The following ZHX2 variants were observed in gnomAD, a reference collection of about 807,000 sequenced individuals.
ZHX2 encodes zinc fingers and homeoboxes 2, also known as zinc fingers and homeoboxes protein 2.
A neutral mutation model predicts 21.9 loss-of-function variants in ZHX2; 6 were observed. The observed-to-expected ratio is 0.27, with a 90% confidence interval of 0.15 to 0.54. The LOEUF (loss-of-function observed/expected upper bound fraction) is 0.54, where lower values mean the gene tolerates loss of function less well. Among genes scored for constraint, ZHX2 ranks in the 20% least tolerant of loss-of-function variants. ZHX2 has a pLI of 0.95. For missense variants in ZHX2, 908 were observed against 1,090.7 expected (o/e 0.83, Z 2.36); for synonymous variants, 434 against 437.1 (o/e 0.99, Z 0.09).
chr8:122,932,781 A>C (rs1295138506), intron 2 of ZHX2, among the ~76,000 whole-genome samples: 8 of 152,158 alleles, frequency 5.3e-5, no homozygotes, highest in Non-Finnish European at 1.0e-4. Flanking sequence ...TTGCCGTACA[A>C]AGTAAGATTC....
intron 1 of ZHX2, among the ~76,000 whole-genome samples, chr8:122,833,303 T>C (rs903602635): frequency 6.6e-5 from 10 of 151,974 alleles, no homozygotes; most frequent in Non-Finnish European, 1.3e-4. Flanking sequence ...ACAGGTAGAA[T>C]TGGTGTGTTA....
At chr8:122,971,540 G>A (rs1813720218) in intron 3 of ZHX2, among the ~76,000 whole-genome samples, 1 of 135,756 alleles carries the variant, frequency 7.4e-6, no homozygotes, top group Non-Finnish European at 1.5e-5. Context: ...TGTTAGGCAT[G>A]AATGGCATTA....
chr8:122,968,712 G>A (rs541582014), intron 3 of ZHX2, among the ~76,000 whole-genome samples: 2 of 151,960 alleles, frequency 1.3e-5, no homozygotes, highest in Non-Finnish European at 1.5e-5. Flanking sequence ...GGTAGTGAGC[G>A]CCTATAATCC....
At chr8:122,834,457 G>GGC (rs1346355057) in intron 1 of ZHX2, among the ~76,000 whole-genome samples, 1 of 152,260 alleles carries the variant, frequency 6.6e-6, no homozygotes, top group Non-Finnish European at 1.5e-5. Flanking sequence ...ACTTGAAACA[G>GGC]GCGCCAGGTG....
chr8:122,878,024 T>C (rs1210044613), intron 2 of ZHX2, among the ~76,000 whole-genome samples: 1 of 152,174 alleles, frequency 6.6e-6, no homozygotes, highest in Non-Finnish European at 1.5e-5. Flanking sequence ...TGTTCCCTCC[T>C]ATCAGGATTT....
intron 1 of ZHX2, among the ~76,000 whole-genome samples, chr8:122,833,996 CA>C (rs71310629): frequency 0.019 from 2,651 of 141,278 alleles, 23 homozygotes; most frequent in Non-Finnish European, 0.025. Flanking sequence ...GACTCCGTCT[CA>C]AAAAAAAAAA....
At chr8:122,794,549 G>A (rs1057272164) in intron 1 of ZHX2, among the ~76,000 whole-genome samples, 1 of 152,166 alleles carries the variant, frequency 6.6e-6, no homozygotes, top group African/African-American at 2.4e-5. Context: ...TCAGACTAGA[G>A]AGCATATCTC....
At chr8:122,783,885 T>C (rs920189801) in intron 1 of ZHX2, among the ~76,000 whole-genome samples, 1 of 152,238 alleles carries the variant, frequency 6.6e-6, no homozygotes, top group Non-Finnish European at 1.5e-5. Flanking sequence ...ATTGGACTGG[T>C]GATGTGTGGA....
intron 2 of ZHX2, among the ~76,000 whole-genome samples, chr8:122,885,863 G>A (rs1819829330): frequency 6.6e-6 from 1 of 152,182 alleles, no homozygotes; most frequent in African/African-American, 2.4e-5. Flanking sequence ...ATAGTCTGTA[G>A]CCCTGGCTGT....
At chr8:122,888,267 T>TA (rs1819890875) in intron 2 of ZHX2, among the ~76,000 whole-genome samples, 1 of 152,034 alleles carries the variant, frequency 6.6e-6, no homozygotes, top group South Asian at 2.1e-4. Context: ...TTTCTTTTTT[T>TA]AAAATTATTT....
chr8:122,908,769 T>C (rs2129989325), intron 2 of ZHX2, among the ~76,000 whole-genome samples: 1 of 152,244 alleles, frequency 6.6e-6, no homozygotes, highest in Non-Finnish European at 1.5e-5. Context: ...AGGGTAAGAA[T>C]GATGAAGTGA....
At chr8:122,940,018 G>A (rs992070469) in intron 2 of ZHX2, among the ~76,000 whole-genome samples, 4 of 152,208 alleles carry the variant, frequency 2.6e-5, no homozygotes, top group African/African-American at 9.7e-5. Context: ...GCAGGTGAAG[G>A]TTCACCCTAT....
chr8:122,796,204 G>A (rs139980170), intron 1 of ZHX2, among the ~76,000 whole-genome samples: 40 of 151,776 alleles, frequency 2.6e-4, no homozygotes, highest in African/African-American at 8.7e-4. Flanking sequence ...TCCTTAGCAA[G>A]TAGGATATGT....
intron 2 of ZHX2, among the ~76,000 whole-genome samples, chr8:122,918,753 T>C (rs1049385212): frequency 2.6e-5 from 4 of 152,086 alleles, no homozygotes; most frequent in Non-Finnish European, 5.9e-5. Context: ...AAGACCATCC[T>C]GGCCAAAATG....
At chr8:122,956,770 G>A (rs1813314111) in intron 3 of ZHX2, among the ~76,000 whole-genome samples, 1 of 152,188 alleles carries the variant, frequency 6.6e-6, no homozygotes, top group African/African-American at 2.4e-5. Flanking sequence ...GATGCTTAGT[G>A]TCTCTGTATC....
At chr8:122,824,607 A>G (rs1490367950) in intron 1 of ZHX2, among the ~76,000 whole-genome samples, 4 of 152,198 alleles carry the variant, frequency 2.6e-5, no homozygotes, top group African/African-American at 9.7e-5. Context: ...TTTTTCGGAG[A>G]AAGAAACAGA....
intron 1 of ZHX2, among the ~76,000 whole-genome samples, chr8:122,818,550 G>A (rs1818077895): frequency 6.6e-6 from 1 of 152,136 alleles, no homozygotes; most frequent in Non-Finnish European, 1.5e-5. Context: ...AGCTTGAGGG[G>A]TGGCCATGAG....
At position 122,782,607 on chromosome 8, in the gene ZHX2, C is replaced by T. The variant is rs1450467650; in HGVS notation, c.-283+661C>T. ...GGGCCGAGGCTGCCTCTGCTCTCGT[C>T]GCTCCCGGCGGCTGCAGGCAGCGGG... On this transcript the variant is annotated intron_variant, in intron 1 of 3. Coordinates refer to ENST00000314393, the MANE Select transcript of ZHX2 (RefSeq NM_014943.5). The surrounding 1 kb of genome is among the most constrained non-coding windows in gnomAD (Gnocchi z 5.3). 6.6e-6 allele frequency among the ~76,000 whole-genome samples: 1 copy of T among 152,190 alleles called. No individual in the cohort carries two copies. The highest frequency in any genetic ancestry group is 2.4e-5 in the African/African-American group (1 of 41,460).
At chr8:122,888,051 C>A (rs867573254) in intron 2 of ZHX2, among the ~76,000 whole-genome samples, 1 of 151,972 alleles carries the variant, frequency 6.6e-6, no homozygotes, top group Non-Finnish European at 1.5e-5. Flanking sequence ...CCAAGCCACA[C>A]AGCAGGAGCC....
Sources: allele counts gnomAD v4.1 joint callset (sites outside exome capture counted in the v4.1 genomes callset), GRCh38; gene constraint gnomAD v4.1.1; non-coding constraint Gnocchi (gnomAD v3.1); transcripts MANE v1.5; gene names NCBI Gene and HGNC (gene_info 2026-07-23, HGNC 2026-07-21).